Variants in KIAA2012 observed in about 807,000 individuals in gnomAD.
KIAA2012 encodes uncharacterized protein KIAA2012.
KIAA2012 carries 125 observed loss-of-function variants against 150.6 expected under a neutral mutation model. The ratio of observed to expected loss-of-function variants is 0.83; its 90% CI spans 0.72 to 0.96. KIAA2012 has a LOEUF of 0.96. KIAA2012 is among the 40% of genes least tolerant of loss of function. KIAA2012 has a pLI of 0.00. For missense variants in KIAA2012, 1,219 were observed against 1,354.9 expected (o/e 0.90, Z 1.57); for synonymous variants, 462 against 504.7 (o/e 0.92, Z 1.13).
chr2:202,079,715 T>G (rs1018308340), intron 2 of KIAA2012, among the ~76,000 whole-genome samples: 1 of 152,196 alleles, frequency 6.6e-6, no homozygotes, highest in African/African-American at 2.4e-5. Flanking sequence ...GGTTGGTTTT[T>G]TGTTGTTGTT....
chr2:202,109,582 A>C, intron 9 of KIAA2012, 31 bp from the exon 10 acceptor site: 1 of 1,489,794 alleles, frequency 6.7e-7, no homozygotes, highest in Non-Finnish European at 8.9e-7. Context: ...CTGTTTTCTC[A>C]CACAGGCTTT....
intron 11 of KIAA2012, 104 bp downstream of exon 11, chr2:202,113,550 C>T (rs545154989): frequency 1.4e-6 from 1 of 723,326 alleles, no homozygotes; most frequent in African/African-American, 1.8e-5. Flanking sequence ...TCATTAAAAA[C>T]AGACGCAAGT....
intron 13 of KIAA2012, among the ~76,000 whole-genome samples, chr2:202,152,055 G>A (rs114353612): frequency 0.018 from 2,695 of 152,276 alleles, 74 homozygotes; most frequent in African/African-American, 0.06. Context: ...ATGAGCCACT[G>A]CACCGGACCT....
At chr2:202,144,989 T>C (rs1208513024) in intron 13 of KIAA2012, among the ~76,000 whole-genome samples, 1 of 152,214 alleles carries the variant, frequency 6.6e-6, no homozygotes, top group Non-Finnish European at 1.5e-5. Flanking sequence ...CATTGGTCAT[T>C]ATGATTTGGT....
rs1456512374 is a variant in KIAA2012 at position 202,201,701 on chromosome 2, G to A, written c.3408-728G>A. On this transcript the variant is annotated intron_variant, in intron 22 of 23. Transcript: ENST00000498697. ...ACAGAGAGGCTCCAGGAAAGCGGCC[G>A]ACATGGTGGGGACTGTGGCAGCCCC... 9 of 1,587,698 alleles carry A rather than the reference G, an allele frequency of 5.7e-6. No homozygotes were observed. In the African/African-American group the frequency reaches 1.1e-4, roughly 19 times the overall value.
intron 13 of KIAA2012, among the ~76,000 whole-genome samples, chr2:202,145,829 C>T (rs1051864172): frequency 6.6e-6 from 1 of 151,766 alleles, no homozygotes; most frequent in Non-Finnish European, 1.5e-5. Context: ...GGATTACAGG[C>T]GCCCGTCACC....
intron 12 of KIAA2012, among the ~76,000 whole-genome samples, chr2:202,130,559 C>A (rs1690907978): frequency 6.6e-6 from 1 of 152,108 alleles, no homozygotes; most frequent in African/African-American, 2.4e-5. Flanking sequence ...ACTAGTAATT[C>A]TTAAATAGTA....
intron 14 of KIAA2012, among the ~76,000 whole-genome samples, chr2:202,155,720 G>T (rs141199144): frequency 6.6e-6 from 1 of 152,218 alleles, no homozygotes. Context: ...GACTGGCAGG[G>T]CCTTTGGAGG....
chr2:202,109,821 C>A (rs774713361), intron 10 of KIAA2012, 32 bp downstream of exon 10: 5 of 1,495,470 alleles, frequency 3.3e-6, no homozygotes, highest in Admixed American at 4.8e-5. Context: ...AGACGCCCCC[C>A]ACTGGCTTGA....
chr2:202,100,175 A>T, intron 6 of KIAA2012, 132 bp from the exon 7 acceptor site: 1 of 954,540 alleles, frequency 1.0e-6, no homozygotes, highest in Non-Finnish European at 1.5e-6. Flanking sequence ...CCCCAAAGCT[A>T]GGGCTGTCCC....
chr2:202,097,042 G>A (rs1008669029), intron 4 of KIAA2012, among the ~76,000 whole-genome samples: 5 of 152,050 alleles, frequency 3.3e-5, no homozygotes, highest in African/African-American at 1.2e-4. Flanking sequence ...CAGGCTGCAG[G>A]TCACGCCACC....
chr2:202,116,494 TG>T (rs1690530590), intron 11 of KIAA2012: 1 of 119,114 alleles, frequency 8.4e-6, no homozygotes, highest in African/African-American at 3.3e-5. Context: ...TTTTTTGAGA[TG>T]GGGTCTCCCT....
At chr2:202,173,293 G>A (rs935628513) in intron 15 of KIAA2012, among the ~76,000 whole-genome samples, 2 of 152,182 alleles carry the variant, frequency 1.3e-5, no homozygotes, top group African/African-American at 4.8e-5. Context: ...TTATAGGCCG[G>A]GCCTGGTCAC....
intron 22 of KIAA2012, among the ~76,000 whole-genome samples, chr2:202,200,984 G>T (rs576224471): frequency 4.5e-4 from 68 of 152,226 alleles, no homozygotes; most frequent in South Asian, 3.5e-3. Context: ...GGGATTACAG[G>T]CGTGAGCCAC....
intron 12 of KIAA2012, chr2:202,135,993 TAA>T (rs367977936): frequency 1.4e-3 from 394 of 274,234 alleles, no homozygotes; most frequent in South Asian, 2.0e-3. Flanking sequence ...GATTCAAATT[TAA>T]AAAAAAAAAA....
chr2:202,131,355 G>A (rs1690923600), intron 12 of KIAA2012, among the ~76,000 whole-genome samples: 1 of 152,040 alleles, frequency 6.6e-6, no homozygotes, highest in South Asian at 2.1e-4. Context: ...TGGCCAGGCT[G>A]GTCTCAAACT....
chr2:202,118,744 A>G (rs909846196), intron 11 of KIAA2012, among the ~76,000 whole-genome samples: 1 of 152,142 alleles, frequency 6.6e-6, no homozygotes, highest in Non-Finnish European at 1.5e-5. Flanking sequence ...TGATAGCTGC[A>G]TTTGTCCCAG....
chr2:202,133,639 CTT>C (rs1243757157), intron 12 of KIAA2012, among the ~76,000 whole-genome samples: 1 of 152,198 alleles, frequency 6.6e-6, no homozygotes, highest in East Asian at 1.9e-4. Flanking sequence ...AGGGGGATGT[CTT>C]TTGCCTGGAG....
intron 8 of KIAA2012, among the ~76,000 whole-genome samples, chr2:202,103,798 C>T (rs1016903639): frequency 3.9e-5 from 6 of 152,272 alleles, no homozygotes; most frequent in African/African-American, 1.4e-4. Flanking sequence ...GCGACGTGGG[C>T]TTTTTAGGGG....
Sources: allele counts gnomAD v4.1 joint callset (sites outside exome capture counted in the v4.1 genomes callset), GRCh38; gene constraint gnomAD v4.1.1; transcripts MANE v1.5; gene names NCBI Gene and HGNC (gene_info 2026-07-23, HGNC 2026-07-21).